Variants in LRRC49 observed in about 807,000 individuals in gnomAD.
LRRC49 encodes leucine rich repeat containing 49.
A neutral mutation model predicts 83.3 loss-of-function variants in LRRC49; 50 were observed. The observed-to-expected ratio is 0.60, with a 90% CI of 0.48 to 0.76. The LOEUF (loss-of-function observed/expected upper bound fraction) is 0.76. Ranked by LOEUF, LRRC49 falls within the 30% of genes least tolerant of loss-of-function variation. The pLI is 0.00. For missense variants in LRRC49, 704 were observed against 809.1 expected, an observed-to-expected ratio of 0.87 and a Z score of 1.58; for synonymous variants, 286 against 283.3, an observed-to-expected ratio of 1.01 and a Z score of -0.10.
At chr15:71,016,964 G>C (rs1225576501) in intron 14 of LRRC49, among the ~76,000 whole-genome samples, 4 of 151,864 alleles carry the variant, frequency 2.6e-5, no homozygotes, top group African/African-American at 7.3e-5. Flanking sequence ...AGACTAACCA[G>C]GCATGTGGCT....
intron 10 of LRRC49, among the ~76,000 whole-genome samples, chr15:70,980,635 T>C (rs1235698575): frequency 6.6e-6 from 1 of 151,934 alleles, no homozygotes; most frequent in Non-Finnish European, 1.5e-5. Context: ...GTGATAAAGA[T>C]TTTGTGGAAC....
chr15:70,891,635 G>C (rs1375659686), upstream of LRRC49, among the ~76,000 whole-genome samples: 2 of 148,056 alleles, frequency 1.4e-5, no homozygotes, highest in Non-Finnish European at 3.0e-5. Context: ...TGGGGGAGGA[G>C]CAGTTAGAAG....
chr15:70,854,171 G>T, intron 1 of LRRC49: 2 of 1,048,802 alleles, frequency 1.9e-6, no homozygotes, highest in South Asian at 9.3e-5. Flanking sequence ...ACGAGGGGGC[G>T]GGGGCGGTGC....
chr15:71,048,673 A>T (rs1408624255), intron 15 of LRRC49: 1 of 410,396 alleles, frequency 2.4e-6, no homozygotes, highest in Non-Finnish European at 4.8e-6. Context: ...ATTCTTGATT[A>T]AACAAAATCA....
intron 8 of LRRC49, among the ~76,000 whole-genome samples, chr15:70,944,479 A>G (rs763776136): frequency 5.9e-5 from 9 of 151,990 alleles, no homozygotes; most frequent in Admixed American, 3.9e-4. Context: ...ATCTCCGTTC[A>G]CCGCAACCTC....
intron 7 of LRRC49, among the ~76,000 whole-genome samples, chr15:70,932,630 G>A (rs1455025245): frequency 6.6e-6 from 1 of 151,974 alleles, no homozygotes; most frequent in East Asian, 1.9e-4. Context: ...TCCTCTAGAG[G>A]AAGCTGCTCT....
chr15:71,031,300 G>A (rs1202525126), intron 14 of LRRC49, among the ~76,000 whole-genome samples: 1 of 152,154 alleles, frequency 6.6e-6, no homozygotes, highest in Non-Finnish European at 1.5e-5. Context: ...TCCAGTCCCT[G>A]TTCACCTGGG....
At chr15:70,991,372 G>C (rs895650576) in intron 11 of LRRC49, among the ~76,000 whole-genome samples, 1 of 152,126 alleles carries the variant, frequency 6.6e-6, no homozygotes, top group African/African-American at 2.4e-5. Flanking sequence ...ACAGGGGATT[G>C]GTTCCCTGCA....
intron 9 of LRRC49, among the ~76,000 whole-genome samples, chr15:70,971,175 T>G (rs1181748982): frequency 6.6e-6 from 1 of 152,192 alleles, no homozygotes; most frequent in East Asian, 1.9e-4. Context: ...TTCTGGTACA[T>G]TGTGTCTTTT....
intron 1 of LRRC49, among the ~76,000 whole-genome samples, chr15:70,871,865 T>A (rs2033051487): frequency 6.7e-6 from 1 of 149,010 alleles, no homozygotes; most frequent in South Asian, 2.1e-4. Context: ...GCTCCTCACT[T>A]CCTAGACGGG....
chr15:70,990,071 G>A (rs867106430), intron 11 of LRRC49, among the ~76,000 whole-genome samples: 21 of 152,244 alleles, frequency 1.4e-4, no homozygotes, highest in African/African-American at 3.4e-4. Context: ...TAGGCTGCTC[G>A]GGGGTCAGGG....
At chr15:71,035,671 T>C (rs2039495707) in intron 14 of LRRC49, among the ~76,000 whole-genome samples, 1 of 152,202 alleles carries the variant, frequency 6.6e-6, no homozygotes, top group Non-Finnish European at 1.5e-5. Flanking sequence ...GCAAAGGACA[T>C]GAATTCATCC....
intron 8 of LRRC49, among the ~76,000 whole-genome samples, chr15:70,946,069 CTT>C (rs2141172118): frequency 6.6e-6 from 1 of 152,046 alleles, no homozygotes; most frequent in Admixed American, 6.5e-5. Context: ...ACCTCACATA[CTT>C]ATCTTTTTTG....
chr15:70,868,274 C>T (rs953016989), intron 1 of LRRC49, among the ~76,000 whole-genome samples: 4 of 152,206 alleles, frequency 2.6e-5, no homozygotes, highest in Admixed American at 6.5e-5. Context: ...GAGAAATTTT[C>T]ACCTTGAAAT....
chr15:70,901,562 T>C (rs918968326), intron 4 of LRRC49, among the ~76,000 whole-genome samples: 12 of 152,216 alleles, frequency 7.9e-5, no homozygotes, highest in Non-Finnish European at 1.8e-4. Flanking sequence ...AATGTCATCA[T>C]TTCAGGGATG....
intron 7 of LRRC49, among the ~76,000 whole-genome samples, chr15:70,935,250 A>G (rs565644632): frequency 1.4e-4 from 22 of 152,300 alleles, no homozygotes; most frequent in African/African-American, 5.1e-4. Flanking sequence ...AATGGTATAC[A>G]TAGCCAGTGT....
At chr15:70,932,612 T>G (rs2035447957) in intron 7 of LRRC49, among the ~76,000 whole-genome samples, 1 of 152,128 alleles carries the variant, frequency 6.6e-6, no homozygotes, top group Non-Finnish European at 1.5e-5. Flanking sequence ...ACCTTTCTTC[T>G]TCCTTATTCC....
intron 11 of LRRC49, among the ~76,000 whole-genome samples, chr15:70,996,059 T>C (rs921951643): frequency 1.3e-5 from 2 of 152,152 alleles, no homozygotes; most frequent in African/African-American, 4.8e-5. Context: ...CAAATGTATG[T>C]TTAAAGTGTC....
chr15:70,873,714 T>C (rs1302913300), intron 2 of LRRC49, among the ~76,000 whole-genome samples: 2 of 152,194 alleles, frequency 1.3e-5, no homozygotes, highest in Non-Finnish European at 2.9e-5. Flanking sequence ...CTCAGTCACA[T>C]GGTAGTCCTA....
Sources: gnomAD v4.1 joint callset for allele counts (sites outside exome capture counted in the v4.1 genomes callset) on GRCh38, gnomAD v4.1.1 for gene constraint, MANE v1.5 for transcripts, NCBI Gene and HGNC (gene_info 2026-07-23, HGNC 2026-07-21) for gene names.